MEIS3: variants seen among roughly 807,000 people sequenced by gnomAD.
MEIS3 encodes the protein homeobox protein Meis3.
A neutral mutation model predicts 51.4 loss-of-function variants in MEIS3; 38 were observed. The ratio of observed to expected loss-of-function variants is 0.74; its 90% CI spans 0.57 to 0.97. The LOEUF is 0.97. MEIS3 is among the 50% of genes least tolerant of loss of function. MEIS3 has a pLI of 0.00. For missense variants in MEIS3, 456 were observed against 502.6 expected (o/e 0.91, Z 0.89); for synonymous variants, 198 against 201.8 (o/e 0.98, Z 0.16).
At position 47,406,362 on chromosome 19, in the gene MEIS3, C is replaced by T. The variant is rs1970817440; in HGVS notation, c.*17+98G>A. 9.3e-6 allele frequency: 9 copies of T among 965,822 alleles called. No homozygotes were observed. In the South Asian group the frequency reaches 1.3e-4, roughly 14 times the overall value. 59.8% of individuals were successfully genotyped at this position (965,822 alleles called of 1,614,324 possible). A position where few individuals can be genotyped will look rare whatever the true frequency, so the allele number is the denominator to read the frequency against. ...TCAGAGAACCCACAGTACAGGGACC[C>T]AGGCTGACCCACTACTCTGGAAGTG... On this transcript the variant is annotated intron_variant, in intron 12 of 12. Transcript: ENST00000558555.
chr19:47,404,780 T>G (rs908499142), intron 12 of MEIS3, among the ~76,000 whole-genome samples: 16 of 152,186 alleles, frequency 1.1e-4, no homozygotes, highest in Non-Finnish European at 2.2e-4. Flanking sequence ...TCCAGTTCCT[T>G]GGCTTCACCA....
chr19:47,407,664 C>T, intron 8 of MEIS3: 2 of 1,050,982 alleles, frequency 1.9e-6, no homozygotes, highest in Non-Finnish European at 2.6e-6. Context: ...GTTAACTGGC[C>T]AGCTCTGATT....
At chr19:47,411,396 C>T (rs1397072460) in intron 6 of MEIS3, among the ~76,000 whole-genome samples, 9 of 152,108 alleles carry the variant, frequency 5.9e-5, no homozygotes, top group African/African-American at 9.7e-5. Flanking sequence ...CTATAAATAG[C>T]CCCTCATTAG....
rs1971339790 is a variant in MEIS3, at chr19:47,415,060, C to A, written c.438G>T (p.Glu146Asp). 1.9e-6 allele frequency: 3 copies of A among 1,558,940 alleles called. No homozygotes were observed. Among genetic ancestry groups the A allele is most frequent in the Non-Finnish European group, 2.6e-6 (3 of 1,155,660 alleles). Residue 146 changes from glutamate (E) to aspartate (D), a missense_variant, in exon 5 of 13, where the codon GAG becomes GAT. Coordinates refer to ENST00000558555, the MANE Select transcript of MEIS3 (RefSeq NM_001301059.2). ...GGTGAGACGCGCTCACCTTCTCCAG[C>A]TCCAGCAGGTGGAACCGCAGCACCT... ...AIQVLRFHLL[E>D]LEKVHDLCDN... is the part of the protein sequence containing the mutation.
At chr19:47,412,376 A>G (rs1046293672) in intron 6 of MEIS3, 3 of 152,072 alleles carry the variant, frequency 2.0e-5, no homozygotes, top group African/African-American at 7.2e-5. Flanking sequence ...AGTTCTGGTG[A>G]CCACGCCTCC....
intron 6 of MEIS3, among the ~76,000 whole-genome samples, chr19:47,411,665 C>G (rs987866505): frequency 6.6e-6 from 1 of 151,680 alleles, no homozygotes; most frequent in African/African-American, 2.4e-5. Flanking sequence ...CTCAGCCTCC[C>G]GAGTAGCTGG....
chr19:47,420,571 G>A (rs1568433776), upstream of MEIS3, among the ~76,000 whole-genome samples: 1 of 110,436 alleles, frequency 9.1e-6, no homozygotes, highest in Non-Finnish European at 1.9e-5. Flanking sequence ...GAGAGAGAGA[G>A]AGGTGCAGAC....
chr19:47,413,228 C>T (rs139446871), intron 6 of MEIS3, among the ~76,000 whole-genome samples: 2,302 of 151,884 alleles, frequency 0.015, 25 homozygotes, highest in Non-Finnish European at 0.025. Flanking sequence ...GAAACCCCGT[C>T]TCTACTGAAC....
chr19:47,406,304 C>A, intron 12 of MEIS3, 156 bp downstream of exon 12: 1 of 562,194 alleles, frequency 1.8e-6, no homozygotes. Context: ...GATGGACGGA[C>A]GGACAGATGG....
At chr19:47,420,731 G>A (rs900575974), upstream of MEIS3, among the ~76,000 whole-genome samples, 2 of 151,488 alleles carry the variant, frequency 1.3e-5, no homozygotes, top group African/African-American at 4.9e-5. Context: ...GAGCTGTTGG[G>A]AAGGGAGAAA....
chr19:47,404,579 G>C (rs1038608605), intron 12 of MEIS3, among the ~76,000 whole-genome samples: 1 of 152,042 alleles, frequency 6.6e-6, no homozygotes, highest in Non-Finnish European at 1.5e-5. Context: ...GCCTTGGCAC[G>C]TGCTATTCCC....
chr19:47,416,473 A>G (rs1179270096), intron 4 of MEIS3, 179 bp downstream of exon 4: 1 of 565,594 alleles, frequency 1.8e-6, no homozygotes. Flanking sequence ...AACTCGGGCC[A>G]TGGGTCCCGT....
chr19:47,410,488 C>T (rs1037967999), intron 6 of MEIS3, among the ~76,000 whole-genome samples: 2 of 151,050 alleles, frequency 1.3e-5, no homozygotes, highest in African/African-American at 2.4e-5. Flanking sequence ...AAAGAAGGGC[C>T]GGGCGCGATG....
chr19:47,419,021 AG>A (rs1324317067), intron 1 of MEIS3, 48 bp downstream of exon 1: 2 of 1,162,608 alleles, frequency 1.7e-6, no homozygotes, highest in Non-Finnish European at 2.1e-6. Context: ...ATGCAGGGAC[AG>A]GGGGTGCGGA....
At chr19:47,420,934 ACACACACTCTCTCT>A (rs1568434244), upstream of MEIS3, among the ~76,000 whole-genome samples, 24 of 103,426 alleles carry the variant, frequency 2.3e-4, no homozygotes, top group African/African-American at 1.2e-3. Context: ...ACACACACAC[ACACACACTCTCTCT>A]CTCTCTCTCT....
At chr19:47,407,221 C>T (rs893309912) in intron 9 of MEIS3, 84 bp from the exon 10 acceptor site, 2 of 1,509,412 alleles carry the variant, frequency 1.3e-6, no homozygotes, top group African/African-American at 2.8e-5. Context: ...GGCCGGAGGA[C>T]AGCGGCGGGG....
chr19:47,418,358 T>A (rs889574282), intron 1 of MEIS3: 1 of 153,136 alleles, frequency 6.5e-6, no homozygotes, highest in Non-Finnish European at 1.5e-5. Flanking sequence ...TCTCCTAACT[T>A]CTCCTGTGCC....
At chr19:47,408,803 A>G (rs1385345511) in intron 8 of MEIS3, among the ~76,000 whole-genome samples, 1 of 152,016 alleles carries the variant, frequency 6.6e-6, no homozygotes, top group Non-Finnish European at 1.5e-5. Context: ...AGATAATAGT[A>G]GCCCCTCCCT....
intron 7 of MEIS3, 91 bp from the exon 8 acceptor site, chr19:47,409,338 C>T: frequency 6.3e-7 from 1 of 1,575,402 alleles, no homozygotes. Context: ...ACACTCCACA[C>T]CCCAGCCATC....
Sources: allele counts gnomAD v4.1 joint callset (sites outside exome capture counted in the v4.1 genomes callset), GRCh38; gene constraint gnomAD v4.1.1; transcripts MANE v1.5; gene names NCBI Gene and HGNC (gene_info 2026-07-23, HGNC 2026-07-21).